The following URI1 variants were observed in gnomAD, a reference collection of about 807,000 sequenced individuals.
URI1 encodes URI1 prefoldin like chaperone.
In URI1, 39 loss-of-function variants were observed where a neutral mutation model predicts 60.2. The observed-to-expected ratio is 0.65, with a 90% CI of 0.50 to 0.85. URI1 has a LOEUF of 0.85. Among genes scored for constraint, URI1 ranks in the 40% least tolerant of loss-of-function variants. The pLI is 0.00. For synonymous variants in URI1, 251 were observed against 236.8 expected, an observed-to-expected ratio of 1.06 and a Z score of -0.55; for missense variants, 691 against 665.9, an observed-to-expected ratio of 1.04 and a Z score of -0.42.
rs1568446912 is a variant in URI1 at position 30,009,235 on chromosome 19, ATG to A, written c.918_919del (p.Asp306GlufsTer8). On this transcript the variant is annotated frameshift_variant, in exon 8 of 11. Transcript: ENST00000392271. LOFTEE classifies it high-confidence loss of function. Reference sequence around the variant, plus strand: ...AGTGATGATGATGATGATGATGATGATGACGACGACGACGACAACATTGACGA... The same window carrying A: ...AGTGATGATGATGATGATGATGATGAACGACGACGACGACAACATTGACGA... The A allele has an allele frequency of 9.1e-6, 14 of 1,533,652 alleles. No individual in the cohort carries two copies. The African/African-American group carries it at 1.9e-4, about 21-fold the overall frequency.
chr19:30,015,848 TTA>T lies in URI1; in HGVS notation c.*781_*782del. The T allele has an allele frequency of 2.8e-6, 1 of 355,372 alleles. No homozygotes were observed. Among genetic ancestry groups the T allele is most frequent in the South Asian group, 9.3e-5 (1 of 10,706 alleles). The allele number at this position is 355,372 out of a possible 1,614,324, so 22.0% of individuals were successfully genotyped here. ...CTTAGTTTTTGCAGTTTCACTGGGA[TTA>T]TGTTTTGGGAAACAAGGAAAGGTCT... is the stretch of plus-strand genomic sequence containing the variant. On this transcript the variant is annotated 3_prime_UTR_variant, in exon 11 of 11. Transcript: ENST00000392271.
chr19:29,942,112 G>A (rs867861631), upstream of URI1: 36 of 618,832 alleles, frequency 5.8e-5, no homozygotes, highest in Non-Finnish European at 7.1e-5. Context: ...GCCCAGCGCG[G>A]ACACCGCCAG....
At chr19:29,999,272 C>T (rs1039519824) in intron 4 of URI1, among the ~76,000 whole-genome samples, 23 of 152,062 alleles carry the variant, frequency 1.5e-4, no homozygotes, top group Non-Finnish European at 8.8e-5. Context: ...TATCAGAGAT[C>T]TGTGTTTTCA....
intron 10 of URI1, 107 bp downstream of exon 10, chr19:30,012,638 TTTC>T (rs2056037434): frequency 7.3e-7 from 1 of 1,362,596 alleles, no homozygotes; most frequent in Non-Finnish European, 9.8e-7. Context: ...GGTTTTATAC[TTTC>T]TTGGTACTAA....
rs190233806 is a variant in URI1 at position 30,011,023 on chromosome 19, G to C, written c.1036-71G>C. 1.1e-3 allele frequency: 1,596 copies of C among 1,516,160 alleles called. 17 individuals are homozygous for C. The African/African-American group carries it at 0.02, about 19-fold the overall frequency. The allele number at this position is 1,516,160 out of a possible 1,614,324, so 93.9% of individuals were successfully genotyped here. A position where few individuals can be genotyped will look rare whatever the true frequency, so the allele number is the denominator to read the frequency against. ...TTACTATTATTTTTTTAGTTATAGA[G>C]TTTATTTGTTTTGGTTTCACTTTGA... On this transcript the variant is annotated intron_variant, in intron 8 of 10. Coordinates refer to ENST00000392271, the MANE Select transcript of URI1 (RefSeq NM_003796.3).
At chr19:29,925,961 G>A (rs571340845) in intron 1 of URI1, 2 of 152,252 alleles carry the variant, frequency 1.3e-5, no homozygotes, top group Non-Finnish European at 2.9e-5. Flanking sequence ...CCAAAGGATT[G>A]GAAGTTGGAA....
intron 4 of URI1, among the ~76,000 whole-genome samples, chr19:29,994,981 C>T (rs997810902): frequency 1.3e-5 from 2 of 151,948 alleles, no homozygotes; most frequent in South Asian, 4.2e-4. Flanking sequence ...AGGGTTTCAC[C>T]ATGTTGGCCA....
chr19:29,986,263 CTTTTTTTT>C lies in URI1; in HGVS notation c.232-17_232-10del. The C allele has an allele frequency of 6.6e-7, 1 of 1,509,330 alleles. No individual in the cohort carries two copies. The allele number at this position is 1,509,330 out of a possible 1,614,324, so 93.5% of individuals were successfully genotyped here. A position where few individuals can be genotyped will look rare whatever the true frequency, so the allele number is the denominator to read the frequency against. The stretch of plus-strand genomic sequence containing the variant: ...GTGTTTTATGTTTTTTCCCTTTTTT[CTTTTTTTT>C]TAAACAATAGGTACCATTTGGCCCT... On this transcript the variant is annotated splice_polypyrimidine_tract_variant and intron_variant, in intron 3 of 10. Coordinates refer to ENST00000392271, the MANE Select transcript of URI1 (RefSeq NM_003796.3).
At position 30,011,215 on chromosome 19, in the gene URI1, G is replaced by A; in HGVS notation, c.1157G>A (p.Arg386Lys). 1 of 1,610,544 alleles carries A rather than the reference G, an allele frequency of 6.2e-7. No individual in the cohort carries two copies. Among genetic ancestry groups the A allele is most frequent in the Non-Finnish European group, 8.5e-7 (1 of 1,178,894 alleles). The change falls in exon 9 of 11, where the codon AGG becomes AAG. Residue 386 changes from arginine to lysine, a missense_variant. Coordinates refer to ENST00000392271, the MANE Select transcript of URI1 (RefSeq NM_003796.3). ...GHSAQELPTIRTPADIYRAFV... is the reference protein window; with the variant it reads ...GHSAQELPTIKTPADIYRAFV... ...TCTGCCCAGGAGCTGCCGACCATCA[G>A]GACGCCTGCAGACATTTACAGGTGG... is the stretch of plus-strand genomic sequence containing the variant.
chr19:29,976,481 A>G (rs1325290686), intron 2 of URI1, among the ~76,000 whole-genome samples: 1 of 152,224 alleles, frequency 6.6e-6, no homozygotes, highest in African/African-American at 2.4e-5. Flanking sequence ...CTCAGCAGCA[A>G]GAATGGAAGC....
At chr19:30,005,895 A>T (rs2055936264) in intron 6 of URI1, among the ~76,000 whole-genome samples, 187 bp downstream of exon 6, 1 of 152,034 alleles carries the variant, frequency 6.6e-6, no homozygotes, top group African/African-American at 2.4e-5. Context: ...TTGGTTAAAA[A>T]TGTGATTCCT....
intron 1 of URI1, among the ~76,000 whole-genome samples, chr19:29,966,689 T>C (rs987176704): frequency 6.6e-6 from 1 of 152,212 alleles, no homozygotes; most frequent in Non-Finnish European, 1.5e-5. Flanking sequence ...TCACATAACA[T>C]GTATGTCCAG....
intron 4 of URI1, among the ~76,000 whole-genome samples, chr19:29,999,608 C>G (rs2055853225): frequency 6.6e-6 from 1 of 151,864 alleles, no homozygotes; most frequent in Admixed American, 6.6e-5. Flanking sequence ...AAGATTCTCT[C>G]TTTGTTGTTG....
rs1362433187 is a variant in URI1, at chr19:29,962,909, G to A, written c.118-8284G>A. ...TATAGATTTTCAGTTATTTTTTCCA[G>A]CATTTCAAGATACTCTGTTATCTTT... On this transcript the variant is annotated intron_variant, in intron 1 of 10. Coordinates refer to ENST00000392271, the MANE Select transcript of URI1 (RefSeq NM_003796.3). Among the ~76,000 whole-genome samples the A allele has an allele frequency of 2.0e-5, 3 of 151,980 alleles. No individual in the cohort carries two copies. The East Asian group carries it at 5.8e-4, about 29-fold the overall frequency.
intron 4 of URI1, among the ~76,000 whole-genome samples, chr19:29,998,169 A>G (rs2055836295): frequency 6.6e-6 from 1 of 152,092 alleles, no homozygotes; most frequent in East Asian, 1.9e-4. Context: ...TTTTAATGTT[A>G]TTGAGCATTC....
chr19:29,985,172 A>T (rs200418994), intron 2 of URI1, 51 bp from the exon 3 acceptor site: 6 of 275,448 alleles, frequency 2.2e-5, no homozygotes, highest in Non-Finnish European at 3.5e-5. Context: ...AAAAAAAAAA[A>T]AAAAAGAAAA....
At chr19:30,009,497 C>A (rs1460882864) in intron 8 of URI1, 144 bp downstream of exon 8, 3 of 840,694 alleles carry the variant, frequency 3.6e-6, no homozygotes, top group Non-Finnish European at 5.4e-6. Flanking sequence ...TTGTTCTGAC[C>A]AATTTAAGAA....
At position 30,012,387 on chromosome 19, in the gene URI1, T is replaced by A. The variant is rs1277364780; in HGVS notation, c.1281T>A (p.Ser427Arg). ...NSVCSDTSESSAAEFDDRRGV... is the reference protein window; with the variant it reads ...NSVCSDTSESRAAEFDDRRGV... ...TGTGTAGCGACACTAGTGAAAGCAG[T>A]GCTGCTGAATTTGATGATAGGCGGG... Residue 427 changes from serine (S) to arginine (R), a missense_variant, in exon 10 of 11, where the codon AGT (serine) becomes AGA (arginine). By Grantham distance (110) the Ser-to-Arg change is moderately radical. Transcript: ENST00000392271. 1 of 1,614,172 alleles carries A rather than the reference T, an allele frequency of 6.2e-7. No individual in the cohort carries two copies. The highest frequency in any genetic ancestry group is 1.6e-4 in the Middle Eastern group (1 of 6,062).
At chr19:29,975,901 G>C (rs1172354537) in intron 2 of URI1, among the ~76,000 whole-genome samples, 1 of 152,094 alleles carries the variant, frequency 6.6e-6, no homozygotes, top group Non-Finnish European at 1.5e-5. Flanking sequence ...GTGTATGTAT[G>C]TGTGTGTGTT....
Sources: allele counts gnomAD v4.1 joint callset (sites outside exome capture counted in the v4.1 genomes callset), GRCh38; gene constraint gnomAD v4.1.1; transcripts MANE v1.5; gene names NCBI Gene and HGNC (gene_info 2026-07-23, HGNC 2026-07-21).